Variants in GRM7 observed in about 807,000 individuals in gnomAD.
The protein encoded by GRM7 is metabotropic glutamate receptor 7.
GRM7 carries 35 observed loss-of-function variants against 84.5 expected under a neutral mutation model. The observed-to-expected ratio is 0.41, with a 90% confidence interval of 0.32 to 0.55. GRM7 has a LOEUF of 0.55. Among genes scored for constraint, GRM7 ranks in the 20% least tolerant of loss-of-function variants. The pLI is 0.19. For missense variants in GRM7, 1,003 were observed against 1,194.6 expected (o/e 0.84, Z 2.36); for synonymous variants, 487 against 455.1 (o/e 1.07, Z -0.89).
At chr3:7,422,676 A>T (rs1402440995) in intron 5 of GRM7, among the ~76,000 whole-genome samples, 1 of 152,162 alleles carries the variant, frequency 6.6e-6, no homozygotes, top group Non-Finnish European at 1.5e-5. Flanking sequence ...TTTTTGAAGC[A>T]CAGAGCCAAG....
At chr3:7,592,594 A>T (rs1028202258) in intron 8 of GRM7, among the ~76,000 whole-genome samples, 1 of 152,206 alleles carries the variant, frequency 6.6e-6, no homozygotes, top group Non-Finnish European at 1.5e-5. Flanking sequence ...TTCTGGATGG[A>T]GGCACAGCAT....
intron 2 of GRM7, among the ~76,000 whole-genome samples, chr3:7,200,792 A>T (rs1696039531): frequency 6.6e-6 from 1 of 152,072 alleles, no homozygotes; most frequent in Non-Finnish European, 1.5e-5. Flanking sequence ...ATGCATCTCA[A>T]GTGACTGCAA....
At chr3:7,490,702 T>C (rs770743101) in intron 7 of GRM7, among the ~76,000 whole-genome samples, 14 of 152,206 alleles carry the variant, frequency 9.2e-5, no homozygotes, top group Non-Finnish European at 2.1e-4. Flanking sequence ...TATTTGTTTA[T>C]ATTTTAAAAA....
chr3:7,398,838 C>T (rs888432314), intron 4 of GRM7, among the ~76,000 whole-genome samples: 3 of 151,936 alleles, frequency 2.0e-5, no homozygotes, highest in African/African-American at 7.3e-5. Context: ...TGAAGCCAAC[C>T]CTGGTTGTTA....
chr3:7,055,837 A>C (rs932362041), intron 1 of GRM7, among the ~76,000 whole-genome samples: 3 of 151,932 alleles, frequency 2.0e-5, no homozygotes, highest in African/African-American at 7.2e-5. Flanking sequence ...CAAATATTTT[A>C]AATATATACT....
chr3:6,870,598 C>T (rs1370663551), intron 1 of GRM7, among the ~76,000 whole-genome samples: 2 of 152,088 alleles, frequency 1.3e-5, no homozygotes, highest in Non-Finnish European at 2.9e-5. Flanking sequence ...TCTAAAAGGA[C>T]AATGCTCTGT....
At chr3:7,640,515 G>T (rs1016079928) in intron 8 of GRM7, among the ~76,000 whole-genome samples, 1 of 152,094 alleles carries the variant, frequency 6.6e-6, no homozygotes, top group African/African-American at 2.4e-5. Context: ...AATTCTACTT[G>T]TTCTCCAATA....
intron 8 of GRM7, among the ~76,000 whole-genome samples, chr3:7,616,194 A>G (rs567224095): frequency 5.9e-4 from 90 of 152,288 alleles, no homozygotes; most frequent in Non-Finnish European, 1.0e-3. Context: ...TCATGCTAAT[A>G]GACTTTACTG....
rs191920320 is a variant in GRM7 at position 7,035,450 on chromosome 3, C to T, written c.520-111002C>T. On this transcript the variant is annotated intron_variant, in intron 1 of 9. Transcript: ENST00000357716. ...CTATTTCAATACAGAAGGAGCAAGA[C>T]TGAAATTTTAAAAAGAGTGAGAGAA... is the stretch of plus-strand genomic sequence containing the variant. Among the ~76,000 whole-genome samples, 4 of 152,126 alleles carry T rather than the reference C, an allele frequency of 2.6e-5. 1 individual carries two copies. The highest frequency in any genetic ancestry group is 9.6e-5 in the African/African-American group (4 of 41,490).
At chr3:7,679,379 T>G (rs1700266586) in intron 8 of GRM7, among the ~76,000 whole-genome samples, 1 of 152,094 alleles carries the variant, frequency 6.6e-6, no homozygotes, top group Non-Finnish European at 1.5e-5. Context: ...CCATCCAAAC[T>G]GCAAATAACA....
intron 1 of GRM7, among the ~76,000 whole-genome samples, chr3:6,965,392 A>C (rs1693476701): frequency 6.6e-6 from 1 of 152,006 alleles, no homozygotes; most frequent in South Asian, 2.1e-4. Flanking sequence ...ATCGTGGCTC[A>C]CTGCAGCCTC....
intron 1 of GRM7, among the ~76,000 whole-genome samples, chr3:6,865,519 G>T (rs539652326): frequency 6.7e-6 from 1 of 150,042 alleles, no homozygotes; most frequent in South Asian, 2.1e-4. Context: ...CTATAGACTT[G>T]GAATTGAATG....
intron 4 of GRM7, among the ~76,000 whole-genome samples, chr3:7,408,692 C>A (rs756880665): frequency 2.0e-5 from 3 of 152,170 alleles, no homozygotes; most frequent in African/African-American, 2.4e-5. Flanking sequence ...TGTAACACTG[C>A]GCAAATGCTA....
chr3:7,519,327 A>G (rs1205243191), intron 7 of GRM7, among the ~76,000 whole-genome samples: 1 of 151,290 alleles, frequency 6.6e-6, no homozygotes, highest in Non-Finnish European at 1.5e-5. Flanking sequence ...GCACCACTGC[A>G]CTCCAGGCTG....
At chr3:7,350,803 A>C (rs1259046495) in intron 4 of GRM7, among the ~76,000 whole-genome samples, 1 of 152,046 alleles carries the variant, frequency 6.6e-6, no homozygotes, top group Non-Finnish European at 1.5e-5. Flanking sequence ...CTGATATTCC[A>C]AACAAAGTAA....
intron 1 of GRM7, among the ~76,000 whole-genome samples, chr3:7,065,183 CTTTAG>C (rs1697609545): frequency 6.6e-6 from 1 of 151,832 alleles, no homozygotes. Context: ...TGCAAAAGCT[CTTTAG>C]TTTAGTTAGG....
intron 1 of GRM7, among the ~76,000 whole-genome samples, chr3:7,088,159 T>G (rs1391940): frequency 0.57 from 86,438 of 152,090 alleles, 26,639 homozygotes; most frequent in African/African-American, 0.83. Context: ...CTAATGCCTA[T>G]TCCAGCCGTC....
chr3:7,656,218 G>A (rs999793807), intron 8 of GRM7, among the ~76,000 whole-genome samples: 4 of 152,052 alleles, frequency 2.6e-5, no homozygotes, highest in African/African-American at 7.2e-5. Context: ...GGCTGGGCGC[G>A]ATGGCTCACT....
At chr3:7,160,175 C>G (rs932975194) in intron 2 of GRM7, among the ~76,000 whole-genome samples, 1 of 151,950 alleles carries the variant, frequency 6.6e-6, no homozygotes, top group African/African-American at 2.4e-5. Flanking sequence ...AGTTAAAAAC[C>G]CACTGTAGGT....
Sources: allele counts gnomAD v4.1 joint callset (sites outside exome capture counted in the v4.1 genomes callset), GRCh38; gene constraint gnomAD v4.1.1; transcripts MANE v1.5; gene names NCBI Gene and HGNC (gene_info 2026-07-23, HGNC 2026-07-21).